Variants in COL18A1 observed in about 807,000 individuals in gnomAD.
The protein encoded by COL18A1 is collagen type XVIII alpha 1 chain.
Under a neutral mutation model 168.0 loss-of-function variants are expected in COL18A1, and 133 were observed. The ratio of observed to expected loss-of-function variants is 0.79; its 90% CI spans 0.69 to 0.91. The LOEUF (loss-of-function observed/expected upper bound fraction) is 0.91, where lower values mean the gene tolerates loss of function less well. Among genes scored for constraint, COL18A1 ranks in the 40% least tolerant of loss-of-function variants. The pLI is 0.00. For missense variants in COL18A1, 2,126 were observed against 1,925.4 expected, an observed-to-expected ratio of 1.10 and a Z score of -1.95; for synonymous variants, 949 against 809.0, an observed-to-expected ratio of 1.17 and a Z score of -2.94.
At chr21:45,431,552 G>T (rs561044709) in intron 2 of COL18A1, among the ~76,000 whole-genome samples, 1 of 147,250 alleles carries the variant, frequency 6.8e-6, no homozygotes, top group Non-Finnish European at 1.5e-5. Context: ...GCCCAGGGGA[G>T]GGGGGCAGGC....
At chr21:45,455,583 T>A in intron 2 of COL18A1, 1 of 1,613,944 alleles carries the variant, frequency 6.2e-7, no homozygotes, top group Non-Finnish European at 8.5e-7. Flanking sequence ...TTCTGCTGCC[T>A]GGCGGCTGCC....
chr21:45,456,476 C>G (rs1270383417), intron 2 of COL18A1: 1 of 1,546,156 alleles, frequency 6.5e-7, no homozygotes, highest in East Asian at 2.5e-5. Context: ...GGGGCCGGGT[C>G]TTGCTAATAA....
chr21:45,452,234 G>A (rs1333326390), intron 2 of COL18A1, among the ~76,000 whole-genome samples: 6 of 152,274 alleles, frequency 3.9e-5, no homozygotes, highest in African/African-American at 7.2e-5. Flanking sequence ...CATGCTGCTA[G>A]CAGGACTTGG....
Position 45,470,008 on chromosome 21 carries a change from G to A in COL18A1, c.651+1222G>A, listed in dbSNP as rs759128397. 2.7e-4 allele frequency among the ~76,000 whole-genome samples: 41 copies of A among 152,338 alleles called. 1 individual carries two copies. The highest frequency in any genetic ancestry group is 2.4e-4 in the Non-Finnish European group (16 of 68,028). ...TTGTGTGAGTCCCCAGCCGTTTCTT[G>A]GTGGAATAAAGTGGCCCACAAGTGC... On this transcript the variant is annotated intron_variant, in intron 3 of 41. Coordinates refer to ENST00000651438, the MANE Select transcript of COL18A1 (RefSeq NM_001379500.1).
At chr21:45,501,227 C>T (rs1325717029) in intron 32 of COL18A1, among the ~76,000 whole-genome samples, 2 of 151,978 alleles carry the variant, frequency 1.3e-5, no homozygotes, top group Admixed American at 6.5e-5. Context: ...CATTTCTATG[C>T]ATCTAATGAG....
chr21:45,480,701 G>T lies in COL18A1; in HGVS notation c.1454G>T (p.Gly485Val), dbSNP rs912817242. The T allele has an allele frequency of 6.8e-6, 11 of 1,610,728 alleles. No homozygotes were observed. Among genetic ancestry groups the T allele is most frequent in the Non-Finnish European group, 9.3e-6 (11 of 1,179,956 alleles). ...CTATCTGTGTTCGCCCACGTCCAGG[G>T]TCCTCGAGGCTTCCCTGGACCTCCC... is the stretch of plus-strand genomic sequence containing the variant. ...GFGGDLEALR[G>V]PRGFPGPPGP... The change falls in exon 13 of 42, where the codon GGT becomes GTT. Residue 485 changes from glycine (G) to valine (V), a missense_variant and splice_region_variant. Physicochemically the swap from Gly to Val is moderately radical, Grantham distance 109. Transcript: ENST00000651438.
In COL18A1 at chr21:45,492,752, G is replaced by T. The variant is rs913141717; in HGVS notation, c.2214+39G>T. Reference sequence around the variant, plus strand: ...TGCCAGAGCTGCATGCTGCCCGGCTGGGGAGGGGTCTCCACCTGGTAGCAC... The same window carrying T: ...TGCCAGAGCTGCATGCTGCCCGGCTTGGGAGGGGTCTCCACCTGGTAGCAC... On this transcript the variant is annotated intron_variant, in intron 24 of 41. Coordinates refer to ENST00000651438, the MANE Select transcript of COL18A1 (RefSeq NM_001379500.1). 8 of 753,316 alleles carry T rather than the reference G, an allele frequency of 1.1e-5. No homozygotes were observed. The African/African-American group carries it at 1.8e-4, about 17-fold the overall frequency. The allele number at this position is 753,316 out of a possible 1,614,324, so 46.7% of individuals were successfully genotyped here. A position where few individuals can be genotyped will look rare whatever the true frequency, so the allele number is the denominator to read the frequency against.
At chr21:45,505,598 G>T (rs1427515811) in intron 36 of COL18A1, among the ~76,000 whole-genome samples, 167 bp downstream of exon 36, 2 of 152,124 alleles carry the variant, frequency 1.3e-5, no homozygotes, top group African/African-American at 4.8e-5. Context: ...GGAATCAGGT[G>T]GACCCAGGAG....
chr21:45,454,115 G>A (rs2034720474), intron 2 of COL18A1, among the ~76,000 whole-genome samples: 1 of 152,208 alleles, frequency 6.6e-6, no homozygotes, highest in African/African-American at 2.4e-5. Flanking sequence ...AGTTTGAGCA[G>A]TGTGGGGATT....
chr21:45,492,244 C>G (rs952094666), intron 22 of COL18A1, among the ~76,000 whole-genome samples: 1 of 152,268 alleles, frequency 6.6e-6, no homozygotes, highest in Non-Finnish European at 1.5e-5. Flanking sequence ...TCCCGTAGGC[C>G]GAGCCACCTC....
In COL18A1 at chr21:45,468,768, G is replaced by A. The variant is rs541632597; in HGVS notation, c.633G>A (p.Ala211=). Residue 211 remains alanine (A), a synonymous_variant, in exon 3 of 42, where the codon GCG becomes GCA. Coordinates refer to ENST00000651438, the MANE Select transcript of COL18A1 (RefSeq NM_001379500.1). The part of the protein sequence containing the change: ...AGLFVAQAGG[A]DPDKFQGVIA... ...TCTTCGTGGCTCAGGCGGGGGGAGC[G>A]GACCCTGACAAGTTCCAGGTAACCC... 3.7e-5 allele frequency: 59 copies of A among 1,600,710 alleles called. No individual in the cohort carries two copies. Among genetic ancestry groups the A allele is most frequent in the Middle Eastern group, 4.3e-4 (2 of 4,678 alleles).
At position 45,457,353 on chromosome 21, in the gene COL18A1, C is replaced by T. The variant is rs1455125557; in HGVS notation, c.107-10889C>T. 6.6e-6 allele frequency among the ~76,000 whole-genome samples: 1 copy of T among 152,188 alleles called. No homozygotes were observed. The highest frequency in any genetic ancestry group is 1.5e-5 in the Non-Finnish European group (1 of 68,024). On this transcript the variant is annotated intron_variant, in intron 2 of 41. Coordinates refer to ENST00000651438, the MANE Select transcript of COL18A1 (RefSeq NM_001379500.1). The surrounding 1 kb of genome is among the most constrained non-coding windows in gnomAD (Gnocchi z 4.6). ...AGCGTGCTCGGGCCAAGGGTGCTGC[C>T]GCGTGGGCAGTGCAGAGACCCTACC...
At chr21:45,503,276 GATGGT>G (rs10537347) in intron 32 of COL18A1, among the ~76,000 whole-genome samples, 69,050 of 151,016 alleles carry the variant, frequency 0.46, 15,876 homozygotes, top group Middle Eastern at 0.52. Flanking sequence ...ACTGGTGTGA[GATGGT>G]ATCTCATTGT....
intron 15 of COL18A1, among the ~76,000 whole-genome samples, chr21:45,485,149 ATTTTTTTTTTTTTTTT>A (rs751718038): frequency 1.8e-5 from 1 of 55,052 alleles, no homozygotes; most frequent in Non-Finnish European, 3.3e-5. Flanking sequence ...CACCTGGCTA[ATTTTTTTTTTTTTTTT>A]TTTTTTTTTT....
At chr21:45,492,151 ACAGGCATCGGGAGG>A (rs2145989339) in intron 22 of COL18A1, among the ~76,000 whole-genome samples, 1 of 152,300 alleles carries the variant, frequency 6.6e-6, no homozygotes, top group Admixed American at 6.5e-5. Flanking sequence ...GAGCAGGCAG[ACAGGCATCGGGAGG>A]CAGGGGCAGC....
At chr21:45,503,753 TCATGCA>T (rs1568939348) in intron 32 of COL18A1, among the ~76,000 whole-genome samples, 3 of 151,814 alleles carry the variant, frequency 2.0e-5, no homozygotes, top group African/African-American at 7.3e-5. Context: ...AACCTGCACA[TCATGCA>T]CATGTACCCT....
intron 2 of COL18A1, chr21:45,456,686 G>A (rs1050243795): frequency 6.5e-5 from 99 of 1,532,088 alleles, no homozygotes; most frequent in African/African-American, 1.5e-4. Flanking sequence ...CCCCTTCCTC[G>A]CCTGGTTCTT....
intron 2 of COL18A1, chr21:45,421,177 C>A: frequency 1.4e-5 from 5 of 350,478 alleles, no homozygotes; most frequent in South Asian, 1.1e-4. Context: ...GACAGACAGG[C>A]ACTCTAGAGA....
Position 45,493,390 on chromosome 21 carries a change from A to G in COL18A1, c.2278-111A>G, listed in dbSNP as rs909626570. ...CCGTCCCTGTGGTCACCTCCCGTGA[A>G]AGGACCCAGCCTGCGAGGCCCAGTC... On this transcript the variant is annotated intron_variant, in intron 25 of 41. Coordinates refer to ENST00000651438, the MANE Select transcript of COL18A1 (RefSeq NM_001379500.1). 5 of 1,296,246 alleles carry G rather than the reference A, an allele frequency of 3.9e-6. No homozygotes were observed. In the African/African-American group the frequency reaches 7.4e-5, roughly 19 times the overall value. 80.3% of individuals were successfully genotyped at this position (1,296,246 alleles called of 1,614,324 possible).
Sources: gnomAD v4.1 joint callset for allele counts (sites outside exome capture counted in the v4.1 genomes callset) on GRCh38, gnomAD v4.1.1 for gene constraint, Gnocchi (gnomAD v3.1) non-coding constraint, MANE v1.5 for transcripts, NCBI Gene and HGNC (gene_info 2026-07-23, HGNC 2026-07-21) for gene names.